Variants in DOCK5 observed in about 807,000 individuals in gnomAD.
DOCK5 encodes dedicator of cytokinesis 5.
Under a neutral mutation model 251.8 loss-of-function variants are expected in DOCK5, and 142 were observed. That is an observed-to-expected ratio of 0.56 (90% confidence interval 0.49 to 0.65). The LOEUF (loss-of-function observed/expected upper bound fraction) is 0.65. DOCK5 is among the 30% of genes least tolerant of loss of function. The pLI, the probability that DOCK5 is intolerant of heterozygous loss-of-function variation, is 0.00. For synonymous variants in DOCK5, 842 were observed against 835.5 expected, an observed-to-expected ratio of 1.01 and a Z score of -0.13; for missense variants, 2,111 against 2,312.3, an observed-to-expected ratio of 0.91 and a Z score of 1.79.
At position 25,356,152 on chromosome 8, in the gene DOCK5, A is replaced by T. The variant is rs377551795; in HGVS notation, c.2851-2811A>T. 2.0e-3 allele frequency among the ~76,000 whole-genome samples: 306 copies of T among 152,162 alleles called. 3 individuals carry two copies. Among genetic ancestry groups the T allele is most frequent in the South Asian group, 7.5e-3 (36 of 4,816 alleles). On this transcript the variant is annotated intron_variant, in intron 27 of 51. Transcript: ENST00000276440. ...GAGGCAGAGCTTTCAGTGAGCTGAG[A>T]TCGCGCCACTGCACTCCAGCCTGGT...
At chr8:25,260,482 C>A (rs1313457149) in intron 2 of DOCK5, among the ~76,000 whole-genome samples, 2 of 151,868 alleles carry the variant, frequency 1.3e-5, no homozygotes, top group African/African-American at 4.8e-5. Flanking sequence ...TTATAAAACA[C>A]TCCATAATTT....
Position 25,334,164 on chromosome 8 carries a change from T to A in DOCK5, c.2160T>A (p.Ile720=). 6.2e-7 allele frequency: 1 copy of A among 1,613,952 alleles called. No individual in the cohort carries two copies. The highest frequency in any genetic ancestry group is 8.5e-7 in the Non-Finnish European group (1 of 1,179,808). The change falls in exon 21 of 52, where the codon ATT becomes ATA. Residue 720 remains isoleucine (I), a synonymous_variant. Transcript: ENST00000276440. ...TTAATCCTGTACTTGAAACCTACAT[T>A]TACAAGCACTTCAGCGCCACTTTGG... is the stretch of plus-strand genomic sequence containing the variant. ...QHFNPVLETY[I]YKHFSATLAY...
Position 25,283,388 on chromosome 8 carries a change from G to A in DOCK5, c.321+4723G>A, listed in dbSNP as rs530453434. ...TGTTCTGACCAGTTCTGTGGCCTTG[G>A]GCAAGTCACTTGAACACTTCAAGTC... On this transcript the variant is annotated intron_variant, in intron 5 of 51. Coordinates refer to ENST00000276440, the MANE Select transcript of DOCK5 (RefSeq NM_024940.8). Among the ~76,000 whole-genome samples, 279 of 152,134 alleles carry A rather than the reference G, an allele frequency of 1.8e-3. 1 individual carries two copies. Among genetic ancestry groups the A allele is most frequent in the Middle Eastern group, 6.8e-3 (2 of 294 alleles).
chr8:25,374,495 T>G, intron 36 of DOCK5, 69 bp from the exon 37 acceptor site: 1 of 1,440,770 alleles, frequency 6.9e-7, no homozygotes, highest in Non-Finnish European at 9.5e-7. Flanking sequence ...AGACCCTGTC[T>G]CAAAACAGAA....
At chr8:25,280,617 C>T (rs1380911607) in intron 5 of DOCK5, among the ~76,000 whole-genome samples, 1 of 152,148 alleles carries the variant, frequency 6.6e-6, no homozygotes, top group Non-Finnish European at 1.5e-5. Context: ...TAACGTTTCC[C>T]TCTGGACAAT....
Position 25,325,350 on chromosome 8 carries a change from A to G in DOCK5, c.1720-14A>G, listed in dbSNP as rs1805536570. ...TTGGCCATCATTTGGTGTTCCTAACATGCTTCCTTTTAGGGTGACAACAAA... is the reference window on the plus strand; with the variant it reads ...TTGGCCATCATTTGGTGTTCCTAACGTGCTTCCTTTTAGGGTGACAACAAA... On this transcript the variant is annotated splice_polypyrimidine_tract_variant and intron_variant, in intron 17 of 51. Coordinates refer to ENST00000276440, the MANE Select transcript of DOCK5 (RefSeq NM_024940.8). 3 of 1,611,580 alleles carry G rather than the reference A, an allele frequency of 1.9e-6. No individual in the cohort carries two copies. Among genetic ancestry groups the G allele is most frequent in the Admixed American group, 1.7e-5 (1 of 59,624 alleles).
At chr8:25,368,102 A>G in intron 31 of DOCK5, 90 bp from the exon 32 acceptor site, 2 of 1,029,136 alleles carry the variant, frequency 1.9e-6, no homozygotes, top group Admixed American at 2.0e-5. Context: ...ACCAAGAGAG[A>G]CACAGACTGT....
intron 1 of DOCK5, among the ~76,000 whole-genome samples, chr8:25,186,526 G>A (rs1011444640): frequency 6.6e-6 from 1 of 151,932 alleles, no homozygotes; most frequent in Non-Finnish European, 1.5e-5. Context: ...TTACGGGCTT[G>A]CATCACTACA....
chr8:25,239,423 T>A (rs919312311), intron 1 of DOCK5, among the ~76,000 whole-genome samples: 5 of 151,622 alleles, frequency 3.3e-5, no homozygotes, highest in Non-Finnish European at 7.4e-5. Flanking sequence ...TGCAAGGTGC[T>A]GCCTTTGAGA....
intron 1 of DOCK5, among the ~76,000 whole-genome samples, chr8:25,222,893 T>G (rs994346769): frequency 1.3e-5 from 2 of 152,236 alleles, no homozygotes; most frequent in African/African-American, 4.8e-5. Context: ...CCTTGGCAGC[T>G]ACGTCGCCAG....
At chr8:25,354,043 AAAAAACAAAC>A (rs1421521081) in intron 27 of DOCK5, among the ~76,000 whole-genome samples, 8,336 of 110,012 alleles carry the variant, frequency 0.076, 690 homozygotes, top group East Asian at 0.19. Context: ...AAAAAAAAAA[AAAAAACAAAC>A]AAAAAAAAAA....
chr8:25,219,228 A>G (rs1411300849), intron 1 of DOCK5, among the ~76,000 whole-genome samples: 1 of 152,150 alleles, frequency 6.6e-6, no homozygotes, highest in Admixed American at 6.5e-5. Context: ...TAAAATATGT[A>G]TTATGACCCT....
At chr8:25,321,867 C>G (rs1201262301) in intron 16 of DOCK5, among the ~76,000 whole-genome samples, 1 of 152,170 alleles carries the variant, frequency 6.6e-6, no homozygotes, top group East Asian at 1.9e-4. Flanking sequence ...GCTATATATA[C>G]ATTGTATCTC....
intron 1 of DOCK5, among the ~76,000 whole-genome samples, chr8:25,221,121 C>G (rs1051186527): frequency 2.6e-5 from 4 of 152,104 alleles, no homozygotes; most frequent in African/African-American, 9.7e-5. Flanking sequence ...TTTCAGTCCC[C>G]CCCATTGTTG....
chr8:25,259,782 G>A (rs1046948246), intron 2 of DOCK5, among the ~76,000 whole-genome samples: 2 of 152,270 alleles, frequency 1.3e-5, no homozygotes, highest in Admixed American at 6.5e-5. Flanking sequence ...AAGTAAGGTT[G>A]TTATATTTTA....
chr8:25,273,105 A>G (rs1364198332), intron 3 of DOCK5, among the ~76,000 whole-genome samples: 1 of 151,414 alleles, frequency 6.6e-6, no homozygotes, highest in Admixed American at 6.6e-5. Context: ...CACAGCAGGC[A>G]GAAGAAACAC....
intron 1 of DOCK5, among the ~76,000 whole-genome samples, chr8:25,200,227 A>T (rs563237499): frequency 3.3e-5 from 5 of 152,224 alleles, no homozygotes; most frequent in Non-Finnish European, 7.3e-5. Context: ...TTGATTAAAA[A>T]TGCACATACC....
chr8:25,229,024 A>T (rs1802600833), intron 1 of DOCK5, among the ~76,000 whole-genome samples: 1 of 151,318 alleles, frequency 6.6e-6, no homozygotes, highest in South Asian at 2.1e-4. Context: ...TGAGCCCAGG[A>T]GTTCAAGACC....
Position 25,184,817 on chromosome 8 carries a change from C to T in DOCK5, c.-92C>T, listed in dbSNP as rs1801386257. On this transcript the variant is annotated 5_prime_UTR_variant, in exon 1 of 52. Transcript: ENST00000276440. ...GTTTGGCGGAACATGGCGGAAGCGT[C>T]TGGGGCACGCAGGAGCGCGGGGCGG... 8.6e-7 allele frequency: 1 copy of T among 1,167,676 alleles called. No homozygotes were observed. The highest frequency in any genetic ancestry group is 1.1e-6 in the Non-Finnish European group (1 of 917,354). The allele number at this position is 1,167,676 out of a possible 1,614,324, so 72.3% of individuals were successfully genotyped here.
Sources: allele counts gnomAD v4.1 joint callset (sites outside exome capture counted in the v4.1 genomes callset), GRCh38; gene constraint gnomAD v4.1.1; transcripts MANE v1.5; gene names NCBI Gene and HGNC (gene_info 2026-07-23, HGNC 2026-07-21).